KCNJ6: variants seen among roughly 807,000 people sequenced by gnomAD.
KCNJ6 encodes the protein G protein-activated inward rectifier potassium channel 2.
A neutral mutation model predicts 34.2 loss-of-function variants in KCNJ6; 9 were observed. The observed-to-expected ratio is 0.26, with a 90% CI of 0.16 to 0.46. The LOEUF is 0.46. KCNJ6 is among the 20% of genes least tolerant of loss of function. KCNJ6 has a pLI of 1.00. For missense variants in KCNJ6, 236 were observed against 531.3 expected, an observed-to-expected ratio of 0.44 and a Z score of 5.46; for synonymous variants, 196 against 207.1, an observed-to-expected ratio of 0.95 and a Z score of 0.46.
At chr21:37,668,935 T>A (rs1165739853) in intron 3 of KCNJ6, among the ~76,000 whole-genome samples, 2 of 152,184 alleles carry the variant, frequency 1.3e-5, no homozygotes, top group East Asian at 1.9e-4. Flanking sequence ...CTGTAAGGAA[T>A]CTCTAATAAT....
intron 2 of KCNJ6, among the ~76,000 whole-genome samples, chr21:37,830,989 AG>A (rs777322486): frequency 6.6e-6 from 1 of 152,206 alleles, no homozygotes; most frequent in Non-Finnish European, 1.5e-5. Context: ...TAAAAACTAC[AG>A]GATCAAGAAA....
rs59026391 is a variant in KCNJ6, at chr21:37,661,614, G to GTTTTTTTTTTTTTTT, written c.947-36145_947-36131dup. 4.3e-3 allele frequency among the ~76,000 whole-genome samples: 308 copies of GTTTTTTTTTTTTTTT among 71,146 alleles called. 80 individuals are homozygous for GTTTTTTTTTTTTTTT. Among genetic ancestry groups the GTTTTTTTTTTTTTTT allele is most frequent in the Admixed American group, 6.6e-3 (36 of 5,424 alleles). The allele number at this position is 71,146 out of a possible 152,430, so 46.7% of individuals were successfully genotyped here. Reference sequence around the variant, plus strand: ...TCCACCCATTTCCTTAAGAGACATAGTTTTTTTTTTTTTTTTTTTTTTTTT... The same window carrying GTTTTTTTTTTTTTTT: ...TCCACCCATTTCCTTAAGAGACATAGTTTTTTTTTTTTTTTTTTTTTTTTTTTTTTTTTTTTTTTT... On this transcript the variant is annotated intron_variant, in intron 3 of 3. Transcript: ENST00000609713.
At chr21:37,857,247 C>G (rs1026667120) in intron 1 of KCNJ6, among the ~76,000 whole-genome samples, 1 of 152,122 alleles carries the variant, frequency 6.6e-6, no homozygotes, top group African/African-American at 2.4e-5. Context: ...TTACATGCAG[C>G]AGAAATTGGG....
At position 37,618,163 on chromosome 21, in the gene KCNJ6, G is replaced by C. The variant is rs1274687606; in HGVS notation, c.*6996C>G. 1 of 152,320 alleles carries C rather than the reference G, an allele frequency of 6.6e-6. No individual in the cohort carries two copies. Among genetic ancestry groups the C allele is most frequent in the Non-Finnish European group, 1.5e-5 (1 of 68,106 alleles). 9.4% of individuals were successfully genotyped at this position (152,320 alleles called of 1,614,324 possible). Reference sequence around the variant, plus strand: ...CCCGTGATGGCCGGATCTGAGGACAGTGCTCCTTCCCCTCTTCTAAGAAGA... The same window carrying C: ...CCCGTGATGGCCGGATCTGAGGACACTGCTCCTTCCCCTCTTCTAAGAAGA... On this transcript the variant is annotated 3_prime_UTR_variant, in exon 4 of 4. Coordinates refer to ENST00000609713, the MANE Select transcript of KCNJ6 (RefSeq NM_002240.5).
At chr21:37,855,658 G>A (rs2055561145) in intron 1 of KCNJ6, among the ~76,000 whole-genome samples, 1 of 152,142 alleles carries the variant, frequency 6.6e-6, no homozygotes. Context: ...ATCTGCTGGG[G>A]GCCCCTCTCT....
chr21:37,676,918 T>A, intron 3 of KCNJ6, among the ~76,000 whole-genome samples: 1 of 152,180 alleles, frequency 6.6e-6, no homozygotes, highest in Non-Finnish European at 1.5e-5. Context: ...CTAGTGCCAA[T>A]AGCTCTATGT....
chr21:37,679,929 A>G (rs1170561093), intron 3 of KCNJ6, among the ~76,000 whole-genome samples: 2 of 152,242 alleles, frequency 1.3e-5, no homozygotes, highest in African/African-American at 2.4e-5. Flanking sequence ...GAGAGTATCC[A>G]TGGTCACTGG....
At chr21:37,788,972 TC>T (rs2055204655) in intron 2 of KCNJ6, among the ~76,000 whole-genome samples, 1 of 152,112 alleles carries the variant, frequency 6.6e-6, no homozygotes, top group African/African-American at 2.4e-5. Flanking sequence ...TATTGTAGAG[TC>T]ATCATCGAAA....
At position 37,725,349 on chromosome 21, in the gene KCNJ6, C is replaced by A. The variant is rs751006106; in HGVS notation, c.26-10218G>T. On this transcript the variant is annotated intron_variant, in intron 2 of 3. Coordinates refer to ENST00000609713, the MANE Select transcript of KCNJ6 (RefSeq NM_002240.5). ...CAGAGGTTGCAGTGAGCCGAGATCACGCCACTGAACTCCAGCCTGGGCAAT... is the reference window on the plus strand; with the variant it reads ...CAGAGGTTGCAGTGAGCCGAGATCAAGCCACTGAACTCCAGCCTGGGCAAT... Among the ~76,000 whole-genome samples the A allele has an allele frequency of 2.0e-4, 30 of 152,096 alleles. 1 individual carries two copies. The highest frequency in any genetic ancestry group is 7.0e-4 in the African/African-American group (29 of 41,404).
Position 37,620,395 on chromosome 21 carries a change from CTT to C in KCNJ6, c.*4762_*4763del, listed in dbSNP as rs2123357390. The C allele has an allele frequency of 2.6e-5, 4 of 152,304 alleles. No individual in the cohort carries two copies. The South Asian group carries it at 8.3e-4, about 32-fold the overall frequency. The allele number at this position is 152,304 out of a possible 1,614,324, so 9.4% of individuals were successfully genotyped here. ...TGGCTGTGGCTGTGTTCCAATAAAA[CTT>C]TGTTTGTGGACATTGAAATTTGAAT... On this transcript the variant is annotated 3_prime_UTR_variant, in exon 4 of 4. Coordinates refer to ENST00000609713, the MANE Select transcript of KCNJ6 (RefSeq NM_002240.5).
chr21:37,881,045 C>T (rs1157376436), intron 1 of KCNJ6, among the ~76,000 whole-genome samples: 4 of 152,172 alleles, frequency 2.6e-5, no homozygotes, highest in Non-Finnish European at 5.9e-5. Flanking sequence ...CTGCCCATGA[C>T]AACTTGAGCT....
intron 2 of KCNJ6, among the ~76,000 whole-genome samples, chr21:37,733,951 C>T (rs543503739): frequency 6.6e-6 from 1 of 152,338 alleles, no homozygotes; most frequent in South Asian, 2.1e-4. Flanking sequence ...CATGCATGTT[C>T]TTCAAAATGG....
chr21:37,784,238 G>A (rs921152359), intron 2 of KCNJ6, among the ~76,000 whole-genome samples: 6 of 152,138 alleles, frequency 3.9e-5, no homozygotes, highest in Non-Finnish European at 5.9e-5. Flanking sequence ...CTGTGTGCCC[G>A]GCTGCACGAG....
chr21:37,660,311 A>G (rs1260025626), intron 3 of KCNJ6, among the ~76,000 whole-genome samples: 1 of 152,224 alleles, frequency 6.6e-6, no homozygotes, highest in African/African-American at 2.4e-5. Context: ...CAAAGGGGCG[A>G]GAGATAAGAA....
At chr21:37,899,124 G>A (rs923659321) in intron 1 of KCNJ6, among the ~76,000 whole-genome samples, 2 of 152,102 alleles carry the variant, frequency 1.3e-5, no homozygotes, top group Admixed American at 1.3e-4. Context: ...GTTTTCAGGG[G>A]GCAAAACAGC....
intron 2 of KCNJ6, among the ~76,000 whole-genome samples, chr21:37,734,852 A>T (rs2054904562): frequency 6.6e-6 from 1 of 152,094 alleles, no homozygotes; most frequent in Non-Finnish European, 1.5e-5. Flanking sequence ...TAATTGCTTA[A>T]ATGTGCTTTC....
chr21:37,856,946 G>A (rs78175647), intron 1 of KCNJ6, among the ~76,000 whole-genome samples: 2,108 of 152,206 alleles, frequency 0.014, 25 homozygotes, highest in Non-Finnish European at 0.021. Context: ...TAGGAGTATC[G>A]AATGGTATCC....
chr21:37,797,809 T>G (rs2055250788), intron 2 of KCNJ6, among the ~76,000 whole-genome samples: 1 of 152,114 alleles, frequency 6.6e-6, no homozygotes, highest in South Asian at 2.1e-4. Context: ...ATACGATGTG[T>G]GGAGCTATGG....
chr21:37,784,403 G>A (rs970002642), intron 2 of KCNJ6, among the ~76,000 whole-genome samples: 4 of 152,238 alleles, frequency 2.6e-5, no homozygotes, highest in East Asian at 1.9e-4. Flanking sequence ...CTTGGAGGCT[G>A]GAGTAAGCTG....
Sources: gnomAD v4.1 joint callset for allele counts (sites outside exome capture counted in the v4.1 genomes callset) on GRCh38, gnomAD v4.1.1 for gene constraint, MANE v1.5 for transcripts, NCBI Gene and HGNC (gene_info 2026-07-23, HGNC 2026-07-21) for gene names.